Variants in KCNQ2 observed in about 807,000 individuals in gnomAD.
KCNQ2 encodes the protein potassium voltage-gated channel subfamily Q member 2.
In KCNQ2, 14 loss-of-function variants were observed where a neutral mutation model predicts 84.8. The observed-to-expected ratio is 0.17, with a 90% CI of 0.11 to 0.26. The LOEUF is 0.26. Among genes scored for constraint, KCNQ2 ranks in the 10% least tolerant of loss-of-function variants. The pLI is 1.00. For synonymous variants in KCNQ2, 599 were observed against 554.1 expected (o/e 1.08, Z -1.14); for missense variants, 788 against 1,254.0 (o/e 0.63, Z 5.61).
chr20:63,411,872 T>G, intron 15 of KCNQ2: 1 of 712,116 alleles, frequency 1.4e-6, no homozygotes, highest in East Asian at 2.7e-5. Context: ...GGACCCACAA[T>G]CATATCTATC....
chr20:63,433,624 C>A, intron 8 of KCNQ2, 185 bp downstream of exon 8: 3 of 1,087,494 alleles, frequency 2.8e-6, no homozygotes, highest in Non-Finnish European at 4.0e-6. Context: ...GAGAAAGCCG[C>A]AGCTCTAACA....
At chr20:63,453,976 A>G (rs902992495) in intron 1 of KCNQ2, among the ~76,000 whole-genome samples, 5 of 151,986 alleles carry the variant, frequency 3.3e-5, no homozygotes, top group African/African-American at 1.2e-4. Context: ...CCTCTAAACT[A>G]AAAAAAACGA....
chr20:63,419,708 C>T (rs757880436), intron 11 of KCNQ2, 36 bp from the exon 12 acceptor site: 10 of 1,581,652 alleles, frequency 6.3e-6, no homozygotes, highest in East Asian at 2.3e-5. Flanking sequence ...TCCTGGGCGC[C>T]GGCAACAGCA....
chr20:63,466,649 C>T (rs12480417), intron 1 of KCNQ2: 14,060 of 152,276 alleles, frequency 0.092, 1,111 homozygotes, highest in East Asian at 0.46. Context: ...GCGGCCATCA[C>T]GTGACACAGA....
chr20:63,438,447 A>T lies in KCNQ2; in HGVS notation c.1023+178T>A. ...ACCCCTGTGCAGCCTCAGGGGTTGGAGCCATTTCTCAACACACACACTTCA... is the reference window on the plus strand; with the variant it reads ...ACCCCTGTGCAGCCTCAGGGGTTGGTGCCATTTCTCAACACACACACTTCA... On this transcript the variant is annotated intron_variant, in intron 7 of 16. Coordinates refer to ENST00000359125, the MANE Select transcript of KCNQ2 (RefSeq NM_172107.4). This position sits in a 1 kb window ranked among gnomAD's most constrained non-coding sequence, Gnocchi z 5.1. 1.5e-6 allele frequency: 1 copy of T among 665,722 alleles called. No homozygotes were observed. Among genetic ancestry groups the T allele is most frequent in the Non-Finnish European group, 2.7e-6 (1 of 368,758 alleles). The allele number at this position is 665,722 out of a possible 1,614,324, so 41.2% of individuals were successfully genotyped here. A position where few individuals can be genotyped will look rare whatever the true frequency, so the allele number is the denominator to read the frequency against.
At chr20:63,428,607 C>T (rs1465451011) in intron 9 of KCNQ2, among the ~76,000 whole-genome samples, 172 bp from the exon 10 acceptor site, 1 of 152,190 alleles carries the variant, frequency 6.6e-6, no homozygotes, top group Non-Finnish European at 1.5e-5. Flanking sequence ...CTCAGGCCCA[C>T]CTCTCTTGGG....
At chr20:63,459,958 C>G (rs1039296921) in intron 1 of KCNQ2, 3 of 152,140 alleles carry the variant, frequency 2.0e-5, no homozygotes, top group Non-Finnish European at 4.4e-5. Context: ...GCTGTTGTCT[C>G]GGTAGGAAGG....
At chr20:63,457,301 C>T (rs1347976704) in intron 1 of KCNQ2, among the ~76,000 whole-genome samples, 1 of 152,230 alleles carries the variant, frequency 6.6e-6, no homozygotes, top group Non-Finnish European at 1.5e-5. Flanking sequence ...TCGGAGCTTC[C>T]GGCAGCACCC....
chr20:63,409,405 G>T (rs1050161894), intron 15 of KCNQ2, among the ~76,000 whole-genome samples: 3 of 152,240 alleles, frequency 2.0e-5, no homozygotes, highest in Non-Finnish European at 4.4e-5. Flanking sequence ...AGGGAGGGAG[G>T]CTCCTTTGCC....
intron 10 of KCNQ2, 56 bp from the exon 11 acceptor site, chr20:63,424,262 C>T (rs2080563510): frequency 2.6e-6 from 4 of 1,543,870 alleles, no homozygotes; most frequent in Non-Finnish European, 3.5e-6. Flanking sequence ...CCATGAGGGT[C>T]CCCCAACCAG....
At chr20:63,445,952 A>G (rs55850318) in intron 2 of KCNQ2, among the ~76,000 whole-genome samples, 3 of 4,824 alleles carry the variant, frequency 6.2e-4, no homozygotes, top group African/African-American at 8.1e-4. Flanking sequence ...CTGAGCTGGG[A>G]GGCCCTGTCT....
intron 1 of KCNQ2, among the ~76,000 whole-genome samples, chr20:63,456,616 G>T (rs1292933409): frequency 2.0e-5 from 3 of 152,140 alleles, no homozygotes; most frequent in Admixed American, 2.0e-4. Flanking sequence ...CCACTCCACG[G>T]GCTAAGCTTC....
At chr20:63,442,692 TCAC>T (rs1422312060) in intron 4 of KCNQ2, among the ~76,000 whole-genome samples, 161 bp from the exon 5 acceptor site, 414 of 49,778 alleles carry the variant, frequency 8.3e-3, no homozygotes, top group Middle Eastern at 0.018. Flanking sequence ...ACCATCACCA[TCAC>T]CACCATCACC....
rs958238956 is a variant in KCNQ2, at chr20:63,400,436, T to A, written c.*6208A>T. On this transcript the variant is annotated 3_prime_UTR_variant, in exon 17 of 17. Coordinates refer to ENST00000359125, the MANE Select transcript of KCNQ2 (RefSeq NM_172107.4). The surrounding 1 kb of genome is among the most constrained non-coding windows in gnomAD (Gnocchi z 8.7). Reference sequence around the variant, plus strand: ...TAATCTGTTAGAAAACTAGAGTTCATTCCCTGGGCGTCTATCCCTAGAAAA... The same window carrying A: ...TAATCTGTTAGAAAACTAGAGTTCAATCCCTGGGCGTCTATCCCTAGAAAA... 4 of 396,764 alleles carry A rather than the reference T, an allele frequency of 1.0e-5. No homozygotes were observed. Among genetic ancestry groups the A allele is most frequent in the Non-Finnish European group, 1.8e-5 (4 of 225,508 alleles). 24.6% of individuals were successfully genotyped at this position (396,764 alleles called of 1,614,324 possible).
chr20:63,407,057 G>A lies in KCNQ2; in HGVS notation c.2206C>T (p.His736Tyr). The change falls in exon 17 of 17, where the codon CAC (histidine) becomes TAC (tyrosine). Residue 736 changes from histidine to tyrosine, a missense_variant. His to Tyr is a moderately conservative substitution (Grantham distance 83). Coordinates refer to ENST00000359125, the MANE Select transcript of KCNQ2 (RefSeq NM_172107.4). The surrounding 1 kb of genome is among the most constrained non-coding windows in gnomAD (Gnocchi z 7.2). The stretch of plus-strand genomic sequence containing the variant: ...GGCGGGATGCGCACCAGGGAGCCGT[G>A]GTCCCCCACGGGGGAGGTGCCGTGG... Reference protein sequence around the residue: ...QGHGTSPVGDHGSLVRIPPPP... With the variant: ...QGHGTSPVGDYGSLVRIPPPP... 1 of 1,520,660 alleles carries A rather than the reference G, an allele frequency of 6.6e-7. No homozygotes were observed. Among genetic ancestry groups the A allele is most frequent in the Non-Finnish European group, 8.8e-7 (1 of 1,136,518 alleles). 94.2% of individuals were successfully genotyped at this position (1,520,660 alleles called of 1,614,324 possible).
At chr20:63,423,994 G>C (rs2080552687) in intron 11 of KCNQ2, 183 bp downstream of exon 11, 1 of 661,574 alleles carries the variant, frequency 1.5e-6, no homozygotes, top group South Asian at 1.8e-5. Context: ...GGGGTGAGCA[G>C]GAAGAGTGAT....
At chr20:63,456,341 G>C (rs566958114) in intron 1 of KCNQ2, among the ~76,000 whole-genome samples, 1 of 152,286 alleles carries the variant, frequency 6.6e-6, no homozygotes, top group South Asian at 2.1e-4. Context: ...CGCAGGAGGG[G>C]TCTGGGCCCC....
intron 9 of KCNQ2, among the ~76,000 whole-genome samples, chr20:63,428,992 A>G (rs1375932704): frequency 2.0e-5 from 3 of 152,006 alleles, no homozygotes; most frequent in African/African-American, 7.3e-5. Context: ...AATCCTCCGC[A>G]GGTGGCCCAG....
Position 63,446,561 on chromosome 20 carries a change from G to A in KCNQ2, c.387+186C>T, listed in dbSNP as rs1302548261. 6.6e-6 allele frequency among the ~76,000 whole-genome samples: 1 copy of A among 152,160 alleles called. No individual in the cohort carries two copies. The highest frequency in any genetic ancestry group is 1.5e-5 in the Non-Finnish European group (1 of 68,022). ...GTGAGGGCTGAGTTACAGCCAGGGT[G>A]GGGCTGGGGCATAGCCCGGGCTGTG... On this transcript the variant is annotated intron_variant, in intron 2 of 16. Coordinates refer to ENST00000359125, the MANE Select transcript of KCNQ2 (RefSeq NM_172107.4). This position sits in a 1 kb window ranked among gnomAD's most constrained non-coding sequence, Gnocchi z 5.5.
Sources: allele counts gnomAD v4.1 joint callset (sites outside exome capture counted in the v4.1 genomes callset), GRCh38; gene constraint gnomAD v4.1.1; non-coding constraint Gnocchi (gnomAD v3.1); transcripts MANE v1.5; gene names NCBI Gene and HGNC (gene_info 2026-07-23, HGNC 2026-07-21).